Variants in RETREG1 observed in about 807,000 individuals in gnomAD.
RETREG1 encodes the protein reticulophagy regulator 1.
Under a neutral mutation model 54.8 loss-of-function variants are expected in RETREG1, and 44 were observed. The observed-to-expected ratio is 0.80, with a 90% CI of 0.63 to 1.03. The LOEUF (loss-of-function observed/expected upper bound fraction) is 1.03, where lower values mean the gene tolerates loss of function less well. Ranked by LOEUF, RETREG1 falls within the 50% of genes least tolerant of loss-of-function variation. The pLI is 0.00. For missense variants in RETREG1, 554 were observed against 605.1 expected, an observed-to-expected ratio of 0.92 and a Z score of 0.89; for synonymous variants, 217 against 238.5, an observed-to-expected ratio of 0.91 and a Z score of 0.83.
chr5:16,491,176 C>T (rs1300917764), intron 3 of RETREG1, among the ~76,000 whole-genome samples: 1 of 152,202 alleles, frequency 6.6e-6, no homozygotes, highest in African/African-American at 2.4e-5. Flanking sequence ...GACCCCATCC[C>T]ATTACGATAC....
In RETREG1 at chr5:16,478,024, C is replaced by G; in HGVS notation, c.873+10G>C. ...ACACAGGAACAAATTGAAAACTAAA[C>G]AAAAAATACCTTAGGACAAAGAGCT... is the stretch of plus-strand genomic sequence containing the variant. On this transcript the variant is annotated intron_variant, in intron 7 of 8. Coordinates refer to ENST00000306320, the MANE Select transcript of RETREG1 (RefSeq NM_001034850.3). 8 of 1,600,776 alleles carry G rather than the reference C, an allele frequency of 5.0e-6. No homozygotes were observed. Among genetic ancestry groups the G allele is most frequent in the Non-Finnish European group, 6.8e-6 (8 of 1,172,432 alleles).
intron 3 of RETREG1, among the ~76,000 whole-genome samples, chr5:16,492,199 CCTCTCTCTCTCT>C (rs369038338): frequency 7.4e-6 from 1 of 136,006 alleles, no homozygotes; most frequent in African/African-American, 2.8e-5. Context: ...ACAGTGTTGT[CCTCTCTCTCTCT>C]CTCTCTCTCT....
intron 3 of RETREG1, among the ~76,000 whole-genome samples, chr5:16,516,350 A>G (rs185985445): frequency 2.9e-4 from 44 of 152,300 alleles, no homozygotes; most frequent in Non-Finnish European, 5.1e-4. Context: ...TGACTGAAAA[A>G]TCTTCTTAAA....
At chr5:16,499,847 T>A (rs1739629732) in intron 3 of RETREG1, among the ~76,000 whole-genome samples, 1 of 152,200 alleles carries the variant, frequency 6.6e-6, no homozygotes, top group Non-Finnish European at 1.5e-5. Context: ...ACTGTTCCCA[T>A]ATCAGGCATT....
intron 1 of RETREG1, among the ~76,000 whole-genome samples, chr5:16,615,363 G>C (rs1163521010): frequency 2.2e-5 from 3 of 137,120 alleles, no homozygotes; most frequent in Non-Finnish European, 4.5e-5. Context: ...TCGCGCCACT[G>C]CACTCCAGCC....
intron 1 of RETREG1, among the ~76,000 whole-genome samples, chr5:16,584,773 A>C (rs2617419): frequency 0.15 from 22,195 of 152,232 alleles, 1,624 homozygotes; most frequent in African/African-American, 0.17. Context: ...CTGCCAAAAA[A>C]ATAAAGACCC....
At chr5:16,521,592 A>G (rs921458041) in intron 3 of RETREG1, among the ~76,000 whole-genome samples, 3 of 152,250 alleles carry the variant, frequency 2.0e-5, no homozygotes, top group Non-Finnish European at 4.4e-5. Flanking sequence ...TCCACACACC[A>G]TAGAGACAGA....
chr5:16,613,704 C>T (rs905063384), intron 1 of RETREG1, among the ~76,000 whole-genome samples: 2 of 152,120 alleles, frequency 1.3e-5, no homozygotes, highest in African/African-American at 2.4e-5. Context: ...AAACAACATC[C>T]CATTGCTTAA....
Position 16,513,367 on chromosome 5 carries a change from C to T in RETREG1, c.459-29895G>A, listed in dbSNP as rs574618061. 7.2e-5 allele frequency among the ~76,000 whole-genome samples: 11 copies of T among 152,286 alleles called. No individual in the cohort carries two copies. In the East Asian group the frequency reaches 1.9e-3, roughly 27 times the overall value. Reference sequence around the variant, plus strand: ...TTACAGCAGCCACAGTGGGGAAACTCCTTACAAAAGGCAAATGGACACATG... The same window carrying T: ...TTACAGCAGCCACAGTGGGGAAACTTCTTACAAAAGGCAAATGGACACATG... On this transcript the variant is annotated intron_variant, in intron 3 of 8. Coordinates refer to ENST00000306320, the MANE Select transcript of RETREG1 (RefSeq NM_001034850.3).
At chr5:16,538,225 G>A (rs576749766) in intron 3 of RETREG1, among the ~76,000 whole-genome samples, 9 of 152,208 alleles carry the variant, frequency 5.9e-5, no homozygotes, top group African/African-American at 1.7e-4. Flanking sequence ...AGACCAAGCC[G>A]GTCGACATCA....
At chr5:16,478,242 A>G in intron 6 of RETREG1, 144 bp from the exon 7 acceptor site, 1 of 639,938 alleles carries the variant, frequency 1.6e-6, no homozygotes, top group South Asian at 1.9e-5. Flanking sequence ...TACAAATATA[A>G]TTAAATGTTT....
At chr5:16,489,399 A>G (rs1016457148) in intron 3 of RETREG1, among the ~76,000 whole-genome samples, 12 of 152,240 alleles carry the variant, frequency 7.9e-5, no homozygotes, top group African/African-American at 2.7e-4. Context: ...TTCAGAATGC[A>G]GCACACAGTA....
intron 1 of RETREG1, among the ~76,000 whole-genome samples, chr5:16,600,968 A>C (rs547683705): frequency 3.3e-5 from 5 of 152,368 alleles, no homozygotes; most frequent in Admixed American, 1.3e-4. Context: ...AAGATACAAG[A>C]AGCTTTCTGA....
At chr5:16,605,661 T>C (rs923285139) in intron 1 of RETREG1, among the ~76,000 whole-genome samples, 9 of 152,228 alleles carry the variant, frequency 5.9e-5, no homozygotes, top group Non-Finnish European at 1.2e-4. Context: ...AGGTGGCTTA[T>C]GCGTAACAGA....
intron 3 of RETREG1, among the ~76,000 whole-genome samples, chr5:16,508,060 C>T (rs1358574992): frequency 2.6e-5 from 4 of 152,174 alleles, no homozygotes; most frequent in African/African-American, 9.7e-5. Context: ...AACAGTGATA[C>T]AATTAATGTA....
At chr5:16,582,694 G>T (rs1346482918) in intron 1 of RETREG1, among the ~76,000 whole-genome samples, 2 of 151,360 alleles carry the variant, frequency 1.3e-5, no homozygotes, top group Non-Finnish European at 2.9e-5. Flanking sequence ...GTAATCCCCG[G>T]CTTATTTCCA....
chr5:16,527,421 C>T (rs1740747320), intron 3 of RETREG1, among the ~76,000 whole-genome samples: 1 of 152,144 alleles, frequency 6.6e-6, no homozygotes, highest in Non-Finnish European at 1.5e-5. Flanking sequence ...CAGGATGTAG[C>T]CATGTGTTTG....
chr5:16,601,261 G>A lies in RETREG1; in HGVS notation c.320+15391C>T, dbSNP rs183362426. Among the ~76,000 whole-genome samples the A allele has an allele frequency of 1.9e-3, 272 of 141,036 alleles. 2 individuals carry two copies. Among genetic ancestry groups the A allele is most frequent in the African/African-American group, 6.8e-3 (262 of 38,414 alleles). 92.5% of individuals were successfully genotyped at this position (141,036 alleles called of 152,430 possible). A position where few individuals can be genotyped will look rare whatever the true frequency, so the allele number is the denominator to read the frequency against. On this transcript the variant is annotated intron_variant, in intron 1 of 8. Transcript: ENST00000306320. The stretch of plus-strand genomic sequence containing the variant: ...TGTGTACCTGTGGTCCCAGCTACTC[G>A]GGAGGCTGAGGTGGGAGGATCGCTT...
At chr5:16,573,459 T>C (rs1579697558) in intron 1 of RETREG1, among the ~76,000 whole-genome samples, 1 of 152,286 alleles carries the variant, frequency 6.6e-6, no homozygotes, top group African/African-American at 2.4e-5. Context: ...TTAACTTTGA[T>C]AGAATCAGAA....
Sources: gnomAD v4.1 joint callset for allele counts (sites outside exome capture counted in the v4.1 genomes callset) on GRCh38, gnomAD v4.1.1 for gene constraint, MANE v1.5 for transcripts, NCBI Gene and HGNC (gene_info 2026-07-23, HGNC 2026-07-21) for gene names.